Variants in FAN1 observed in about 807,000 individuals in gnomAD.
FAN1 encodes fanconi-associated nuclease 1.
A neutral mutation model predicts 104.9 loss-of-function variants in FAN1; 91 were observed. That is an observed-to-expected ratio of 0.87 (90% CI 0.73 to 1.03). The LOEUF (loss-of-function observed/expected upper bound fraction) is 1.03, where lower values mean the gene tolerates loss of function less well. Among genes scored for constraint, FAN1 ranks in the 50% least tolerant of loss-of-function variants. The pLI, the probability that FAN1 is intolerant of heterozygous loss-of-function variation, is 0.00. For synonymous variants in FAN1, 478 were observed against 457.6 expected, an observed-to-expected ratio of 1.04 and a Z score of -0.57; for missense variants, 1,263 against 1,239.9, an observed-to-expected ratio of 1.02 and a Z score of -0.28.
intron 14 of FAN1, chr15:30,940,105 T>C (rs2062988214): frequency 1.0e-6 from 1 of 985,056 alleles, no homozygotes; most frequent in Non-Finnish European, 1.2e-6. Context: ...ACTATAAAAA[T>C]TTTCCATATC....
rs762981672 is a variant in FAN1 at position 30,908,278 on chromosome 15, A to T, written c.1375+20A>T. 2.6e-6 allele frequency: 4 copies of T among 1,553,520 alleles called. No homozygotes were observed. In the East Asian group the frequency reaches 9.4e-5, roughly 36 times the overall value. ...AGACAGGTATGACTAGTAGAAGGAG[A>T]TGTGAAATGAAAATATGATCTGAAG... is the stretch of plus-strand genomic sequence containing the variant. On this transcript the variant is annotated intron_variant, in intron 3 of 14. Coordinates refer to ENST00000362065, the MANE Select transcript of FAN1 (RefSeq NM_014967.5).
intron 8 of FAN1, among the ~76,000 whole-genome samples, chr15:30,923,738 T>C (rs2062392095): frequency 6.6e-6 from 1 of 152,234 alleles, no homozygotes; most frequent in African/African-American, 2.4e-5. Flanking sequence ...CATTCTCCCA[T>C]CTTCATTTCC....
chr15:30,904,109 C>G (rs1351969019), intron 1 of FAN1, 98 bp downstream of exon 1: 1 of 152,194 alleles, frequency 6.6e-6, no homozygotes, highest in Non-Finnish European at 1.5e-5. Flanking sequence ...GCAGCCGGCG[C>G]GGGCGCAGCT....
intron 9 of FAN1, 150 bp from the exon 10 acceptor site, chr15:30,925,639 G>A (rs780596412): frequency 6.0e-5 from 54 of 901,846 alleles, no homozygotes; most frequent in Non-Finnish European, 8.6e-5. Flanking sequence ...TCACATCCCC[G>A]CAGTTCTGCG....
chr15:30,934,885 C>T (rs1221860805), intron 13 of FAN1, among the ~76,000 whole-genome samples: 4 of 152,140 alleles, frequency 2.6e-5, no homozygotes, highest in South Asian at 2.1e-4. Flanking sequence ...TTTACTTCTA[C>T]GTGTTATATG....
chr15:30,931,352 G>T (rs1189060552), intron 13 of FAN1, among the ~76,000 whole-genome samples: 1 of 152,176 alleles, frequency 6.6e-6, no homozygotes, highest in Admixed American at 6.5e-5. Context: ...TCCTTTATCA[G>T]TGACATTTCA....
At chr15:30,909,618 G>T (rs949783258) in intron 3 of FAN1, among the ~76,000 whole-genome samples, 1 of 152,218 alleles carries the variant, frequency 6.6e-6, no homozygotes, top group Non-Finnish European at 1.5e-5. Context: ...TCAGTCAAGT[G>T]CAAGTCCCAT....
In FAN1 at chr15:30,905,785, C is replaced by G. The variant is rs761268982; in HGVS notation, c.1122C>G (p.Tyr374Ter). The G allele has an allele frequency of 6.2e-7, 1 of 1,614,222 alleles. No homozygotes were observed. The highest frequency in any genetic ancestry group is 8.5e-7 in the Non-Finnish European group (1 of 1,180,038). Residue 374 changes from tyrosine (Y) to a stop codon, truncating the protein, a stop_gained, in exon 2 of 15, where the codon TAC becomes TAG. Transcript: ENST00000362065. LOFTEE classifies it high-confidence loss of function. ...CTGGTCAAACAACCGGTCATCCTTA[C>G]TACCTTCGGAGTTTCCTTGTGGTGC... ...NGPGQTTGHP[Y>*]YLRSFLVVLK... is the part of the protein sequence containing the mutation.
At chr15:30,914,646 G>A (rs889383514) in intron 5 of FAN1, among the ~76,000 whole-genome samples, 16 of 152,184 alleles carry the variant, frequency 1.1e-4, no homozygotes, top group African/African-American at 3.4e-4. Context: ...GATTATAGGC[G>A]TGAACCACCG....
intron 13 of FAN1, among the ~76,000 whole-genome samples, chr15:30,934,849 C>T (rs1167397303): frequency 6.6e-6 from 1 of 152,230 alleles, no homozygotes; most frequent in Non-Finnish European, 1.5e-5. Flanking sequence ...ATCTTCCCTT[C>T]CAGCCTTTGT....
rs1038633173 is a variant in FAN1 at position 30,926,557 on chromosome 15, C to T, written c.2488+618C>T. 10 of 925,024 alleles carry T rather than the reference C, an allele frequency of 1.1e-5. No homozygotes were observed. The African/African-American group carries it at 1.8e-4, about 17-fold the overall frequency. The allele number at this position is 925,024 out of a possible 1,614,324, so 57.3% of individuals were successfully genotyped here. The stretch of plus-strand genomic sequence containing the variant: ...GATAGGAGTTTACAAAGCCCAGGTT[C>T]TTTCTGATGAGTGTTGAGATTCATC... On this transcript the variant is annotated intron_variant, in intron 10 of 14. Coordinates refer to ENST00000362065, the MANE Select transcript of FAN1 (RefSeq NM_014967.5).
intron 14 of FAN1, chr15:30,940,019 A>G (rs2062985292): frequency 1.0e-6 from 1 of 975,662 alleles, no homozygotes; most frequent in Non-Finnish European, 1.2e-6. Flanking sequence ...ACAGCTATTC[A>G]GTACATATAA....
chr15:30,912,339 A>G (rs939375465), intron 4 of FAN1, among the ~76,000 whole-genome samples: 1 of 151,960 alleles, frequency 6.6e-6, no homozygotes, highest in Non-Finnish European at 1.5e-5. Context: ...TGATAAAGAA[A>G]CAGAAACAGC....
chr15:30,926,335 G>A (rs544596967), intron 10 of FAN1, among the ~76,000 whole-genome samples: 15 of 152,162 alleles, frequency 9.9e-5, no homozygotes, highest in East Asian at 3.9e-4. Flanking sequence ...GGGGCCCTGC[G>A]GCCCATGCTA....
chr15:30,929,608 CATATATA>C (rs1474913579), intron 12 of FAN1, among the ~76,000 whole-genome samples: 1 of 114,388 alleles, frequency 8.7e-6, no homozygotes, highest in Admixed American at 1.1e-4. Flanking sequence ...TTACATATTA[CATATATA>C]ATATATATTA....
In FAN1 at chr15:30,910,617, C is replaced by A; in HGVS notation, c.1379C>A (p.Ser460Tyr). The A allele has an allele frequency of 6.6e-7, 1 of 1,525,146 alleles. No homozygotes were observed. The highest frequency in any genetic ancestry group is 8.8e-7 in the Non-Finnish European group (1 of 1,133,936). 94.5% of individuals were successfully genotyped at this position (1,525,146 alleles called of 1,614,324 possible). The change falls in exon 4 of 15, where the codon TCT becomes TAT. Residue 460 changes from serine to tyrosine, a missense_variant. By Grantham distance (144) the Ser-to-Tyr change is moderately radical. Around this residue, in one of 2 missense-constraint regions of FAN1, gnomAD observed 682 missense variants for 571.1 expected, o/e 1.19. Transcript: ENST00000362065. ...CTTTTTTTTTTAACCATTTCAGAATCTGAGTTGCAAGAACTCTCTGAAGTG... is the reference window on the plus strand; with the variant it reads ...CTTTTTTTTTTAACCATTTCAGAATATGAGTTGCAAGAACTCTCTGAAGTG... The part of the protein sequence containing the change: ...LTNAGFLQTE[S>Y]ELQELSEVLE...
At chr15:30,923,574 G>A (rs1471600892) in intron 8 of FAN1, among the ~76,000 whole-genome samples, 1 of 152,136 alleles carries the variant, frequency 6.6e-6, no homozygotes, top group East Asian at 1.9e-4. Flanking sequence ...GGAAGGGATC[G>A]CCTAGCTGAG....
In FAN1 at chr15:30,905,575, A is replaced by G. The variant is rs1292129368; in HGVS notation, c.912A>G (p.Val304=). The G allele has an allele frequency of 1.2e-6, 2 of 1,613,988 alleles. No homozygotes were observed. The highest frequency in any genetic ancestry group is 1.7e-5 in the Admixed American group (1 of 60,030). The change falls in exon 2 of 15, where the codon GTA becomes GTG. Residue 304 remains valine, a synonymous_variant. Coordinates refer to ENST00000362065, the MANE Select transcript of FAN1 (RefSeq NM_014967.5). The part of the protein sequence containing the change: ...EKREACHCEE[V]KMTVASEAKI... ...GTGAGGCATGTCATTGTGAAGAAGT[A>G]AAAATGACTGTTGCTTCAGAAGCTA...
At chr15:30,929,739 T>TCATATATAATATATATAAAATATATAA (rs1566929839) in intron 12 of FAN1, among the ~76,000 whole-genome samples, 827 of 32,872 alleles carry the variant, frequency 0.025, 151 homozygotes, top group African/African-American at 0.075. Context: ...ATATAATATA[T>TCATATATAATATATATAAAATATATAA]TATATCATAT....
Sources: gnomAD v4.1 joint callset for allele counts (sites outside exome capture counted in the v4.1 genomes callset) on GRCh38, gnomAD v4.1.1 for gene constraint, gnomAD v4.1.1 regional missense constraint, MANE v1.5 for transcripts, NCBI Gene and HGNC (gene_info 2026-07-23, HGNC 2026-07-21) for gene names.